The following SYBU variants were observed in gnomAD, a reference collection of about 807,000 sequenced individuals.
The protein encoded by SYBU is GOLSYN A protein.
In SYBU, 21 loss-of-function variants were observed where a neutral mutation model predicts 35.9. The observed-to-expected ratio is 0.58, with a 90% CI of 0.41 to 0.84. The LOEUF is 0.84. Among genes scored for constraint, SYBU ranks in the 40% least tolerant of loss-of-function variants. The pLI, the probability that SYBU is intolerant of heterozygous loss-of-function variation, is 0.00. For synonymous variants in SYBU, 319 were observed against 324.3 expected (o/e 0.98, Z 0.18); for missense variants, 768 against 848.2 (o/e 0.91, Z 1.17).
At chr8:109,625,909 A>G (rs1423736097) in intron 2 of SYBU, among the ~76,000 whole-genome samples, 2 of 152,190 alleles carry the variant, frequency 1.3e-5, no homozygotes, top group Non-Finnish European at 2.9e-5. Flanking sequence ...GACAACTTAT[A>G]TTCCTATTAT....
At chr8:109,680,140 T>A (rs1214471144) in intron 1 of SYBU, 1 of 152,246 alleles carries the variant, frequency 6.6e-6, no homozygotes, top group Non-Finnish European at 1.5e-5. Context: ...CACATTCAAA[T>A]TAATTCAATT....
chr8:109,663,060 C>G (rs1470446284), intron 1 of SYBU, among the ~76,000 whole-genome samples: 2 of 152,152 alleles, frequency 1.3e-5, no homozygotes, highest in Non-Finnish European at 2.9e-5. Flanking sequence ...CTAAGATATA[C>G]TCTTGATTTT....
intron 3 of SYBU, among the ~76,000 whole-genome samples, chr8:109,588,330 C>A (rs1823855232): frequency 6.6e-6 from 1 of 152,186 alleles, no homozygotes; most frequent in Non-Finnish European, 1.5e-5. Context: ...ACTGAAAGGA[C>A]AACTTTGTTC....
rs146856964 is a variant in SYBU, at chr8:109,635,888, T to C, written c.229+6840A>G. On this transcript the variant is annotated intron_variant, in intron 2 of 6. Transcript: ENST00000276646. The stretch of plus-strand genomic sequence containing the variant: ...ACTGGCTCTGCAAGATCTTTAGAAA[T>C]TGCAAAATGGTAGCCCATGATCCAT... 3.4e-3 allele frequency among the ~76,000 whole-genome samples: 512 copies of C among 152,328 alleles called. 3 individuals carry two copies. The highest frequency in any genetic ancestry group is 0.011 in the African/African-American group (457 of 41,580).
intron 1 of SYBU, among the ~76,000 whole-genome samples, chr8:109,679,984 G>GAGT (rs1189579418): frequency 4.0e-5 from 6 of 151,898 alleles, no homozygotes; most frequent in African/African-American, 1.5e-4. Flanking sequence ...TGATAGTTTA[G>GAGT]CAATAAATAA....
At chr8:109,665,389 T>C (rs1365869666) in intron 1 of SYBU, among the ~76,000 whole-genome samples, 2 of 152,230 alleles carry the variant, frequency 1.3e-5, no homozygotes, top group African/African-American at 2.4e-5. Context: ...CCAGTTAGCA[T>C]AAATCAGCTG....
chr8:109,578,737 G>A (rs1822656625), intron 5 of SYBU, among the ~76,000 whole-genome samples: 2 of 152,302 alleles, frequency 1.3e-5, no homozygotes, highest in South Asian at 4.1e-4. Flanking sequence ...AGGGTCAGGG[G>A]ATGGGCCCGG....
chr8:109,634,318 G>A (rs1470281428), intron 2 of SYBU, among the ~76,000 whole-genome samples: 1 of 152,080 alleles, frequency 6.6e-6, no homozygotes, highest in Admixed American at 6.5e-5. Flanking sequence ...CCACAACACT[G>A]GAGTCATGGT....
At chr8:109,582,851 A>G (rs1823199330) in intron 4 of SYBU, among the ~76,000 whole-genome samples, 1 of 152,154 alleles carries the variant, frequency 6.6e-6, no homozygotes, top group African/African-American at 2.4e-5. Context: ...AAGGAATTTG[A>G]GCAGACATAA....
intron 2 of SYBU, among the ~76,000 whole-genome samples, chr8:109,638,705 A>T (rs1252006118): frequency 6.6e-6 from 1 of 152,184 alleles, no homozygotes; most frequent in Non-Finnish European, 1.5e-5. Flanking sequence ...GACCTCTAAT[A>T]CTGTATAAAC....
chr8:109,608,633 T>G (rs1011264048), intron 3 of SYBU, among the ~76,000 whole-genome samples: 1 of 152,118 alleles, frequency 6.6e-6, no homozygotes, highest in African/African-American at 2.4e-5. Flanking sequence ...CCACCAAAGC[T>G]CTCCATTATT....
chr8:109,660,106 A>G (rs984398431), intron 1 of SYBU, among the ~76,000 whole-genome samples: 10 of 152,180 alleles, frequency 6.6e-5, no homozygotes, highest in African/African-American at 1.9e-4. Flanking sequence ...ATATCTAGAA[A>G]GACATCTTTC....
intron 6 of SYBU, among the ~76,000 whole-genome samples, chr8:109,577,025 T>C (rs1393625942): frequency 6.6e-6 from 1 of 152,152 alleles, no homozygotes; most frequent in East Asian, 1.9e-4. Context: ...GGGTCTCAAG[T>C]CTATTTCAGA....
intron 2 of SYBU, among the ~76,000 whole-genome samples, chr8:109,640,663 A>G (rs1368516241): frequency 6.6e-6 from 1 of 152,188 alleles, no homozygotes; most frequent in African/African-American, 2.4e-5. Context: ...TTGGGGGAAT[A>G]GTAGGCAAAG....
At chr8:109,592,311 T>C (rs181477751) in intron 3 of SYBU, among the ~76,000 whole-genome samples, 1 of 152,206 alleles carries the variant, frequency 6.6e-6, no homozygotes, top group Non-Finnish European at 1.5e-5. Context: ...TAATTCTCTT[T>C]CTGTGTGTGT....
chr8:109,632,181 C>T (rs1333478249), intron 2 of SYBU, among the ~76,000 whole-genome samples: 1 of 152,178 alleles, frequency 6.6e-6, no homozygotes, highest in Admixed American at 6.5e-5. Context: ...TCCTGAATAG[C>T]TGGAATTACA....
intron 1 of SYBU, among the ~76,000 whole-genome samples, chr8:109,654,015 C>A (rs1304530684): frequency 6.6e-6 from 1 of 152,012 alleles, no homozygotes; most frequent in African/African-American, 2.4e-5. Context: ...GGAAGAGCAC[C>A]CTGCACACAC....
intron 2 of SYBU, among the ~76,000 whole-genome samples, chr8:109,640,819 C>CA (rs33993476): frequency 0.011 from 871 of 81,968 alleles, 12 homozygotes; most frequent in East Asian, 0.051. Flanking sequence ...AATTAGTTAG[C>CA]AAAAAAAAAA....
In SYBU at chr8:109,638,507, C is replaced by T. The variant is rs548700360; in HGVS notation, c.229+4221G>A. Among the ~76,000 whole-genome samples, 847 of 151,906 alleles carry T rather than the reference C, an allele frequency of 5.6e-3. 4 individuals carry two copies. The highest frequency in any genetic ancestry group is 0.018 in the African/African-American group (728 of 41,306). ...AAGACAGGTTGACTTTATGCCAAAA[C>T]GCTGGTTTAAACAAACAAACAAACA... On this transcript the variant is annotated intron_variant, in intron 2 of 6. Coordinates refer to ENST00000276646, the MANE Select transcript of SYBU (RefSeq NM_001099754.2).
Sources: gnomAD v4.1 joint callset for allele counts (sites outside exome capture counted in the v4.1 genomes callset) on GRCh38, gnomAD v4.1.1 for gene constraint, MANE v1.5 for transcripts, NCBI Gene and HGNC (gene_info 2026-07-23, HGNC 2026-07-21) for gene names.